SFXN2: variants seen among roughly 807,000 people sequenced by gnomAD.
SFXN2 encodes sideroflexin 2.
Under a neutral mutation model 41.9 loss-of-function variants are expected in SFXN2, and 37 were observed. That is an observed-to-expected ratio of 0.88 (90% CI 0.68 to 1.16). SFXN2 has a LOEUF of 1.16. Among genes scored for constraint, SFXN2 ranks in the 50% most tolerant of loss-of-function variants. SFXN2 has a pLI of 0.00. For missense variants in SFXN2, 386 were observed against 425.2 expected, an observed-to-expected ratio of 0.91 and a Z score of 0.81; for synonymous variants, 150 against 156.7, an observed-to-expected ratio of 0.96 and a Z score of 0.32.
At chr10:102,718,560 T>G (rs545284201) in intron 1 of SFXN2, among the ~76,000 whole-genome samples, 1 of 152,256 alleles carries the variant, frequency 6.6e-6, no homozygotes, top group Non-Finnish European at 1.5e-5. Context: ...GGCAGTGGAC[T>G]CTTTCTGTCT....
At chr10:102,730,552 T>C (rs1003346423) in intron 6 of SFXN2, among the ~76,000 whole-genome samples, 1 of 152,234 alleles carries the variant, frequency 6.6e-6, no homozygotes, top group Non-Finnish European at 1.5e-5. Context: ...TGCTGCTCCA[T>C]TCATCTTTCC....
At chr10:102,726,439 T>G in intron 1 of SFXN2, 173 bp from the exon 2 acceptor site, 1 of 618,058 alleles carries the variant, frequency 1.6e-6, no homozygotes, top group Non-Finnish European at 2.8e-6. Flanking sequence ...AGGAAACACA[T>G]GTTGGTGCCC....
At position 102,728,462 on chromosome 10, in the gene SFXN2, GT is replaced by G; in HGVS notation, c.365del (p.Val122GlyfsTer8). 1 of 1,614,102 alleles carries G rather than the reference GT, an allele frequency of 6.2e-7. No homozygotes were observed. The highest frequency in any genetic ancestry group is 8.5e-7 in the Non-Finnish European group (1 of 1,179,990). The part of the protein sequence containing the change: ...TMPAVIFWQW[V>X]NQSFNALVNY... ...GCCGGCGGTGATCTTCTGGCAGTGGGTGAACCAGTCCTTCAATGCCTTAGTC... is the reference window on the plus strand; with the variant it reads ...GCCGGCGGTGATCTTCTGGCAGTGGGGAACCAGTCCTTCAATGCCTTAGTC... On this transcript the variant is annotated frameshift_variant, in exon 4 of 12. Transcript: ENST00000369893. LOFTEE classifies it high-confidence loss of function.
rs1590159920 is a variant in SFXN2 at position 102,741,001 on chromosome 10, G to A, written c.*3239G>A. 1 of 152,202 alleles carries A rather than the reference G, an allele frequency of 6.6e-6. No homozygotes were observed. Among genetic ancestry groups the A allele is most frequent in the East Asian group, 1.9e-4 (1 of 5,192 alleles). The allele number at this position is 152,202 out of a possible 1,614,324, so 9.4% of individuals were successfully genotyped here. ...TTTGGAAATGTCTGGAAGGTATGTG[G>A]TGGCTATAATGTTCAGGGACATTCT... is the stretch of plus-strand genomic sequence containing the variant. On this transcript the variant is annotated 3_prime_UTR_variant, in exon 12 of 12. Coordinates refer to ENST00000369893, the MANE Select transcript of SFXN2 (RefSeq NM_178858.6).
intron 4 of SFXN2, among the ~76,000 whole-genome samples, chr10:102,729,042 T>C (rs1348435215): frequency 1.3e-5 from 2 of 152,158 alleles, no homozygotes; most frequent in African/African-American, 4.8e-5. Flanking sequence ...GAGGGATGAA[T>C]GACCCAAGAG....
chr10:102,715,484 C>T (rs977025867), intron 1 of SFXN2, among the ~76,000 whole-genome samples: 2 of 152,122 alleles, frequency 1.3e-5, no homozygotes, highest in Non-Finnish European at 2.9e-5. Flanking sequence ...GTGCTACCTC[C>T]CATCCCTTTC....
chr10:102,735,457 A>C (rs1415909436), intron 10 of SFXN2, among the ~76,000 whole-genome samples: 2 of 111,412 alleles, frequency 1.8e-5, no homozygotes, highest in Non-Finnish European at 3.8e-5. Context: ...TCCCTCCATG[A>C]TGCTCCTCCC....
At chr10:102,721,853 G>T (rs1335173330) in intron 1 of SFXN2, among the ~76,000 whole-genome samples, 2 of 150,692 alleles carry the variant, frequency 1.3e-5, no homozygotes, top group Non-Finnish European at 2.9e-5. Flanking sequence ...GTAATCTACT[G>T]ATTCTGCTTC....
At position 102,737,974 on chromosome 10, in the gene SFXN2, GT is replaced by G; in HGVS notation, c.*213del. 2.8e-6 allele frequency: 1 copy of G among 358,660 alleles called. No individual in the cohort carries two copies. The highest frequency in any genetic ancestry group is 5.1e-6 in the Non-Finnish European group (1 of 194,336). The allele number at this position is 358,660 out of a possible 1,614,324, so 22.2% of individuals were successfully genotyped here. On this transcript the variant is annotated 3_prime_UTR_variant, in exon 12 of 12. Coordinates refer to ENST00000369893, the MANE Select transcript of SFXN2 (RefSeq NM_178858.6). Reference sequence around the variant, plus strand: ...GTGAAAAAGGGTAGCAAAGGCCAATGTCTTCTAGCTGCTTCCTCAACCCCTG... The same window carrying G: ...GTGAAAAAGGGTAGCAAAGGCCAATGCTTCTAGCTGCTTCCTCAACCCCTG...
chr10:102,728,520 C>G lies in SFXN2; in HGVS notation c.422C>G (p.Thr141Arg). The change falls in exon 4 of 12, where the codon ACA (threonine) becomes AGA (arginine). Residue 141 changes from threonine (T) to arginine (R), a missense_variant. Transcript: ENST00000369893. ...NYTNRNAASP[T>R]SVRQMALSYF... is the part of the protein sequence containing the mutation. The stretch of plus-strand genomic sequence containing the variant: ...ACCAACAGGAATGCGGCTTCCCCCA[C>G]ATCAGTCAGGTAGGAGACCTGAACC... 6.2e-7 allele frequency: 1 copy of G among 1,613,814 alleles called. No homozygotes were observed. The highest frequency in any genetic ancestry group is 8.5e-7 in the Non-Finnish European group (1 of 1,179,804).
At chr10:102,731,807 G>C in intron 7 of SFXN2, 24 bp downstream of exon 7, 7 of 1,608,054 alleles carry the variant, frequency 4.4e-6, no homozygotes, top group African/African-American at 1.3e-5. Context: ...TCCCTTTGGG[G>C]TGGGAGGAGG....
chr10:102,741,979 CTT>C lies in SFXN2; in HGVS notation c.*4218_*4219del. On this transcript the variant is annotated 3_prime_UTR_variant, in exon 12 of 12. Coordinates refer to ENST00000369893, the MANE Select transcript of SFXN2 (RefSeq NM_178858.6). ...CTTTCTTAAGCTGAGGGAAGACTGA[CTT>C]AACTCTTACCTGTTTCCCATTTTTC... is the stretch of plus-strand genomic sequence containing the variant. The C allele has an allele frequency of 1.3e-5, 2 of 152,306 alleles. No homozygotes were observed. The highest frequency in any genetic ancestry group is 6.8e-3 in the Middle Eastern group (2 of 294). 9.4% of individuals were successfully genotyped at this position (152,306 alleles called of 1,614,324 possible). A position where few individuals can be genotyped will look rare whatever the true frequency, so the allele number is the denominator to read the frequency against.
In SFXN2 at chr10:102,728,433, C is replaced by T. The variant is rs773877047; in HGVS notation, c.335C>T (p.Thr112Met). Residue 112 changes from threonine to methionine, a missense_variant and splice_region_variant, in exon 4 of 12, where the codon ACG (threonine) becomes ATG (methionine). Transcript: ENST00000369893. ...CTCCTGGCCTTCCTCACTGGTAGGA[C>T]GATGCCGGCGGTGATCTTCTGGCAG... is the stretch of plus-strand genomic sequence containing the variant. ...ITGFMLQFYR[T>M]MPAVIFWQWV... The T allele has an allele frequency of 2.1e-5, 34 of 1,613,928 alleles. No homozygotes were observed. The South Asian group carries it at 2.2e-4, about 10-fold the overall frequency.
intron 2 of SFXN2, 72 bp downstream of exon 2, chr10:102,726,869 C>T: frequency 6.3e-7 from 1 of 1,595,006 alleles, no homozygotes; most frequent in African/African-American, 1.3e-5. Context: ...GAGGTGGAAA[C>T]CGAAGGTGAA....
At position 102,720,336 on chromosome 10, in the gene SFXN2, C is replaced by T. The variant is rs567861533; in HGVS notation, c.-26+5655C>T. 7.8e-4 allele frequency among the ~76,000 whole-genome samples: 114 copies of T among 145,358 alleles called. 2 individuals are homozygous for T. The highest frequency in any genetic ancestry group is 2.8e-3 in the African/African-American group (110 of 39,378). ...AAAAAAACCCATGGCAGGACCGGGG[C>T]TGGTAGCTCACTCCTGTAATCCCAG... On this transcript the variant is annotated intron_variant, in intron 1 of 11. Coordinates refer to ENST00000369893, the MANE Select transcript of SFXN2 (RefSeq NM_178858.6).
Position 102,719,043 on chromosome 10 carries a change from C to T in SFXN2, c.-26+4362C>T, listed in dbSNP as rs2064462417. Among the ~76,000 whole-genome samples the T allele has an allele frequency of 1.3e-5, 2 of 151,246 alleles. 1 individual carries two copies. Among genetic ancestry groups the T allele is most frequent in the Admixed American group, 1.3e-4 (2 of 15,166 alleles). ...GGTTCAAGTGATTCTCCTGCCTCAG[C>T]CTCCCAAGTAGCTGGGATTACAGGC... On this transcript the variant is annotated intron_variant, in intron 1 of 11. Transcript: ENST00000369893.
At chr10:102,735,773 C>G in intron 10 of SFXN2, 89 bp from the exon 11 acceptor site, 1 of 1,377,022 alleles carries the variant, frequency 7.3e-7, no homozygotes, top group African/African-American at 1.4e-5. Context: ...GGCCAGGTGC[C>G]TGGGCATTGC....
Position 102,728,536 on chromosome 10 carries a change from G to T in SFXN2, c.431+7G>T. ...CTTCCCCCACATCAGTCAGGTAGGA[G>T]ACCTGAACCCCAGGCTGTCCTCGTG... On this transcript the variant is annotated splice_region_variant and intron_variant, in intron 4 of 11. Coordinates refer to ENST00000369893, the MANE Select transcript of SFXN2 (RefSeq NM_178858.6). 6.2e-7 allele frequency: 1 copy of T among 1,610,408 alleles called. No individual in the cohort carries two copies. Among genetic ancestry groups the T allele is most frequent in the South Asian group, 1.1e-5 (1 of 91,014 alleles).
intron 9 of SFXN2, 27 bp from the exon 10 acceptor site, chr10:102,733,527 A>G (rs1234736742): frequency 1.3e-6 from 2 of 1,599,148 alleles, no homozygotes; most frequent in Admixed American, 1.7e-5. Context: ...TACCATGTGG[A>G]TCTGTCTTTT....
Sources: allele counts gnomAD v4.1 joint callset (sites outside exome capture counted in the v4.1 genomes callset), GRCh38; gene constraint gnomAD v4.1.1; transcripts MANE v1.5; gene names NCBI Gene and HGNC (gene_info 2026-07-23, HGNC 2026-07-21).